GRID2: variants seen among roughly 807,000 people sequenced by gnomAD.
GRID2 encodes glutamate ionotropic receptor delta type subunit 2, also known as glutamate receptor ionotropic, delta-2.
In GRID2, 33 loss-of-function variants were observed where a neutral mutation model predicts 114.8. That is an observed-to-expected ratio of 0.29 (90% CI 0.22 to 0.38). The LOEUF (loss-of-function observed/expected upper bound fraction) is 0.38, where lower values mean the gene tolerates loss of function less well. Among genes scored for constraint, GRID2 ranks in the 10% least tolerant of loss-of-function variants. The pLI is 1.00. For missense variants in GRID2, 1,184 were observed against 1,257.7 expected (o/e 0.94, Z 0.89); for synonymous variants, 505 against 449.9 (o/e 1.12, Z -1.55).
intron 10 of GRID2, among the ~76,000 whole-genome samples, chr4:93,440,901 A>T (rs771416040): frequency 1.7e-4 from 26 of 152,122 alleles, no homozygotes; most frequent in Non-Finnish European, 3.4e-4. Flanking sequence ...ATAAGTGGTG[A>T]ATAATAAGTC....
intron 2 of GRID2, among the ~76,000 whole-genome samples, chr4:92,772,477 G>A (rs1378016434): frequency 6.6e-6 from 1 of 152,002 alleles, no homozygotes; most frequent in African/African-American, 2.4e-5. Context: ...ATACAATAAG[G>A]GAGGAGCAGT....
intron 1 of GRID2, among the ~76,000 whole-genome samples, chr4:92,581,996 A>G (rs1269792529): frequency 6.6e-6 from 1 of 151,938 alleles, no homozygotes; most frequent in Non-Finnish European, 1.5e-5. Context: ...ATGCTTTCCT[A>G]TAGGCTAACT....
At chr4:93,321,445 A>C (rs557181315) in intron 8 of GRID2, among the ~76,000 whole-genome samples, 1 of 152,236 alleles carries the variant, frequency 6.6e-6, no homozygotes, top group African/African-American at 2.4e-5. Flanking sequence ...TGAGATAAGA[A>C]ATATGGAAAG....
intron 2 of GRID2, among the ~76,000 whole-genome samples, chr4:92,843,211 C>T (rs1186130800): frequency 6.6e-6 from 1 of 151,858 alleles, no homozygotes; most frequent in African/African-American, 2.4e-5. Context: ...CACTGCACTC[C>T]AGCCTGGGCG....
In GRID2 at chr4:92,713,052, T is replaced by C. The variant is rs190275110; in HGVS notation, c.244+122766T>C. 4.7e-3 allele frequency among the ~76,000 whole-genome samples: 707 copies of C among 151,972 alleles called. 10 individuals carry two copies. The highest frequency in any genetic ancestry group is 0.016 in the African/African-American group (668 of 41,462). The stretch of plus-strand genomic sequence containing the variant: ...GGGTACATGTGCACAACGTGCAGAT[T>C]AGTTACATATGTATACATGTGCCAT... On this transcript the variant is annotated intron_variant, in intron 2 of 15. Transcript: ENST00000282020.
Position 93,118,772 on chromosome 4 carries a change from G to A in GRID2, c.735+7819G>A, listed in dbSNP as rs137906522. ...AATTAGGAAAGACAGAGAAACTAAAGGTTATGATGAGGTCAGAGACACAAC... is the reference window on the plus strand; with the variant it reads ...AATTAGGAAAGACAGAGAAACTAAAAGTTATGATGAGGTCAGAGACACAAC... On this transcript the variant is annotated intron_variant, in intron 4 of 15. Coordinates refer to ENST00000282020, the MANE Select transcript of GRID2 (RefSeq NM_001510.4). Among the ~76,000 whole-genome samples the A allele has an allele frequency of 2.0e-5, 3 of 152,280 alleles. No individual in the cohort carries two copies. In the East Asian group the frequency reaches 5.8e-4, roughly 29 times the overall value.
chr4:92,913,939 A>T (rs1053939506), intron 2 of GRID2, among the ~76,000 whole-genome samples: 1 of 152,096 alleles, frequency 6.6e-6, no homozygotes, highest in Non-Finnish European at 1.5e-5. Flanking sequence ...GAATTATTTT[A>T]AAAATTATAA....
chr4:92,831,398 A>G (rs1742089209), intron 2 of GRID2, among the ~76,000 whole-genome samples: 1 of 152,184 alleles, frequency 6.6e-6, no homozygotes, highest in Admixed American at 6.5e-5. Flanking sequence ...CAACTCAACA[A>G]AAACGTGAGC....
intron 9 of GRID2, among the ~76,000 whole-genome samples, chr4:93,404,881 C>T (rs1213462445): frequency 1.2e-4 from 18 of 152,030 alleles, no homozygotes; most frequent in Non-Finnish European, 1.5e-5. Context: ...AAAGTAAATT[C>T]AAATATTTTC....
At chr4:92,713,357 G>A (rs2149311422) in intron 2 of GRID2, among the ~76,000 whole-genome samples, 1 of 150,726 alleles carries the variant, frequency 6.6e-6, no homozygotes, top group East Asian at 2.0e-4. Flanking sequence ...TAAGAGAATG[G>A]CCAATATTTC....
intron 8 of GRID2, among the ~76,000 whole-genome samples, chr4:93,356,340 A>C (rs1432287008): frequency 6.6e-6 from 1 of 152,026 alleles, no homozygotes; most frequent in Non-Finnish European, 1.5e-5. Context: ...TAGGATAAGC[A>C]ATTTTATTTC....
chr4:92,343,998 A>G (rs191325731), intron 1 of GRID2, among the ~76,000 whole-genome samples: 63 of 152,308 alleles, frequency 4.1e-4, no homozygotes, highest in Non-Finnish European at 5.9e-4. Context: ...TCTTCACATT[A>G]AATAGGTAGA....
chr4:93,267,035 G>T (rs569551880), intron 8 of GRID2, among the ~76,000 whole-genome samples: 1 of 147,880 alleles, frequency 6.8e-6, no homozygotes, highest in Admixed American at 6.8e-5. Flanking sequence ...AGAACATGTG[G>T]TATCTGACAT....
At chr4:92,481,698 G>C (rs1216835895) in intron 1 of GRID2, among the ~76,000 whole-genome samples, 1 of 151,552 alleles carries the variant, frequency 6.6e-6, no homozygotes. Flanking sequence ...GCTCTTTTTT[G>C]GTTCCAGATG....
intron 2 of GRID2, among the ~76,000 whole-genome samples, chr4:92,817,003 T>C (rs1262281563): frequency 2.0e-5 from 3 of 152,040 alleles, no homozygotes. Context: ...TAAAATCTAG[T>C]CCCATGTTTT....
chr4:93,479,977 C>CT (rs1214831868), intron 11 of GRID2, among the ~76,000 whole-genome samples: 1 of 152,092 alleles, frequency 6.6e-6, no homozygotes, highest in Non-Finnish European at 1.5e-5. Flanking sequence ...TGAAAATTCT[C>CT]TTTACTTGTA....
chr4:93,027,357 A>G (rs557076358), intron 2 of GRID2, among the ~76,000 whole-genome samples: 2 of 152,224 alleles, frequency 1.3e-5, no homozygotes, highest in South Asian at 4.1e-4. Flanking sequence ...AGCATTGAAG[A>G]GAAAATTGAG....
intron 1 of GRID2, among the ~76,000 whole-genome samples, chr4:92,339,696 C>T (rs1272851830): frequency 1.3e-5 from 2 of 152,154 alleles, no homozygotes; most frequent in Non-Finnish European, 2.9e-5. Context: ...CTAATTTCCC[C>T]AAATGCTACC....
intron 8 of GRID2, among the ~76,000 whole-genome samples, chr4:93,272,277 C>T (rs958000687): frequency 7.2e-5 from 11 of 152,046 alleles, no homozygotes; most frequent in Non-Finnish European, 1.3e-4. Context: ...ACAAACAGAA[C>T]AAATAAAAGG....
Sources: gnomAD v4.1 joint callset for allele counts (sites outside exome capture counted in the v4.1 genomes callset) on GRCh38, gnomAD v4.1.1 for gene constraint, MANE v1.5 for transcripts, NCBI Gene and HGNC (gene_info 2026-07-23, HGNC 2026-07-21) for gene names.